Variants in RYR2 observed in about 807,000 individuals in gnomAD.
RYR2 encodes the protein ryanodine receptor 2, also known as cardiac muscle ryanodine receptor-calcium release channel.
RYR2 carries 227 observed loss-of-function variants against 601.1 expected under a neutral mutation model. The ratio of observed to expected loss-of-function variants is 0.38; its 90% CI spans 0.34 to 0.42. RYR2 has a LOEUF of 0.42. Ranked by LOEUF, RYR2 falls within the 10% of genes least tolerant of loss-of-function variation. RYR2 has a pLI of 1.00. For missense variants in RYR2, 4,646 were observed against 6,156.5 expected (o/e 0.75, Z 8.21); for synonymous variants, 2,223 against 2,175.1 (o/e 1.02, Z -0.61).
intron 16 of RYR2, among the ~76,000 whole-genome samples, chr1:237,457,019 G>A (rs191042732): frequency 5.9e-5 from 9 of 152,250 alleles, no homozygotes; most frequent in African/African-American, 2.2e-4. Context: ...AATTTACTGT[G>A]CCAAATCAAA....
intron 29 of RYR2, among the ~76,000 whole-genome samples, chr1:237,577,453 A>G (rs865798356): frequency 1.3e-5 from 2 of 151,700 alleles, no homozygotes; most frequent in Non-Finnish European, 2.9e-5. Context: ...TGGGAAGCCA[A>G]TGTCATCACA....
At chr1:237,437,533 T>A (rs1320130550) in intron 12 of RYR2, among the ~76,000 whole-genome samples, 1 of 152,140 alleles carries the variant, frequency 6.6e-6, no homozygotes, top group Non-Finnish European at 1.5e-5. Flanking sequence ...CCTGAGGTTA[T>A]GTGGGGTCAG....
At chr1:237,748,824 C>T (rs552335458) in intron 80 of RYR2, among the ~76,000 whole-genome samples, 6 of 152,234 alleles carry the variant, frequency 3.9e-5, no homozygotes, top group African/African-American at 9.6e-5. Context: ...TTTAAATATT[C>T]GAAAAAATAT....
intron 1 of RYR2, among the ~76,000 whole-genome samples, chr1:237,160,486 G>T (rs1015635717): frequency 6.6e-6 from 1 of 151,504 alleles, no homozygotes; most frequent in Admixed American, 6.6e-5. Context: ...TTATTTTTTT[G>T]TCAGGTTTTT....
chr1:237,643,176 C>A, intron 47 of RYR2, 151 bp from the exon 48 acceptor site: 2 of 906,774 alleles, frequency 2.2e-6, no homozygotes, highest in Non-Finnish European at 3.3e-6. Flanking sequence ...GCAGGTAAGC[C>A]AGAAAACTAT....
At chr1:237,193,167 C>CAAAA (rs58552588) in intron 1 of RYR2, among the ~76,000 whole-genome samples, 2 of 37,422 alleles carry the variant, frequency 5.3e-5, no homozygotes, top group Non-Finnish European at 9.7e-5. Context: ...GCTAAAAGTA[C>CAAAA]AAAAAAAAAA....
intron 24 of RYR2, among the ~76,000 whole-genome samples, chr1:237,516,761 T>G (rs1278782910): frequency 2.0e-5 from 3 of 152,174 alleles, no homozygotes; most frequent in Non-Finnish European, 2.9e-5. Context: ...GGAATCACCT[T>G]TGACTCTTCC....
At chr1:237,792,658 T>C (rs1033564670) in intron 94 of RYR2, among the ~76,000 whole-genome samples, 1 of 152,102 alleles carries the variant, frequency 6.6e-6, no homozygotes, top group Non-Finnish European at 1.5e-5. Flanking sequence ...TATGTCTACA[T>C]TGACTAGTCT....
chr1:237,404,998 C>T (rs1224479213), intron 10 of RYR2, among the ~76,000 whole-genome samples: 1 of 152,156 alleles, frequency 6.6e-6, no homozygotes, highest in Non-Finnish European at 1.5e-5. Flanking sequence ...GGAACCCAGC[C>T]CCAACCAACA....
At chr1:237,050,967 C>T (rs1258191554) in intron 1 of RYR2, among the ~76,000 whole-genome samples, 2 of 152,206 alleles carry the variant, frequency 1.3e-5, no homozygotes, top group Non-Finnish European at 2.9e-5. Context: ...TTCGGTCTCA[C>T]ACACACGCAC....
In RYR2 at chr1:237,082,524, CATATATATATATAT is replaced by C. The variant is rs71561856; in HGVS notation, c.48+39975_48+39988del. On this transcript the variant is annotated intron_variant, in intron 1 of 104. Coordinates refer to ENST00000366574, the MANE Select transcript of RYR2 (RefSeq NM_001035.3). ...TGTTATATTCTTTCAAATAGGAAAA[CATATATATATATAT>C]ATATATATATATATATATAAAATCG... 2.7e-3 allele frequency among the ~76,000 whole-genome samples: 213 copies of C among 80,006 alleles called. 6 individuals are homozygous for C. The East Asian group carries it at 0.046, about 17-fold the overall frequency. The allele number at this position is 80,006 out of a possible 152,430, so 52.5% of individuals were successfully genotyped here.
intron 27 of RYR2, among the ~76,000 whole-genome samples, chr1:237,551,541 A>AAT (rs1416000020): frequency 1.3e-5 from 2 of 151,556 alleles, no homozygotes; most frequent in Non-Finnish European, 2.9e-5. Context: ...AAAAAAAAAA[A>AAT]AAAAAAAAGA....
chr1:237,454,682 T>C (rs909886039), intron 15 of RYR2, 108 bp downstream of exon 15: 83 of 1,086,756 alleles, frequency 7.6e-5, no homozygotes, highest in Non-Finnish European at 1.1e-4. Flanking sequence ...TTTTGCAATA[T>C]AGAGGAGAAA....
intron 97 of RYR2, chr1:237,799,979 A>T (rs1358243992): frequency 6.6e-6 from 1 of 150,570 alleles, no homozygotes; most frequent in Non-Finnish European, 1.5e-5. Flanking sequence ...CCCCCCAACC[A>T]GGAAGGCCGT....
chr1:237,263,778 T>A (rs1688763851), intron 1 of RYR2, among the ~76,000 whole-genome samples: 1 of 152,206 alleles, frequency 6.6e-6, no homozygotes. Flanking sequence ...GAGTGCTTCC[T>A]GTGAGCCAGC....
Position 237,784,370 on chromosome 1 carries a change from G to C in RYR2, c.12658G>C (p.Glu4220Gln). 1.2e-6 allele frequency: 2 copies of C among 1,613,988 alleles called. No homozygotes were observed. Among genetic ancestry groups the C allele is most frequent in the Non-Finnish European group, 1.7e-6 (2 of 1,179,874 alleles). The part of the protein sequence containing the change: ...DLNERSANKE[E>Q]SEKERPEEQG... ...GAACGAGAGGTCAGCGAATAAGGAA[G>C]AAAGCGAGAAGGAGAGGCCGGAAGA... The change falls in exon 90 of 105, where the codon GAA becomes CAA. Residue 4220 changes from glutamate (E) to glutamine (Q), a missense_variant. Physicochemically the swap from Glu to Gln is conservative, Grantham distance 29. This residue lies in a region of RYR2 where 364 missense variants were observed against 442.9 expected (regional missense o/e 0.82). Coordinates refer to ENST00000366574, the MANE Select transcript of RYR2 (RefSeq NM_001035.3). The surrounding 1 kb of genome is among the most constrained non-coding windows in gnomAD (Gnocchi z 7.1).
At chr1:237,337,723 C>T (rs1219748090) in intron 3 of RYR2, among the ~76,000 whole-genome samples, 1 of 152,160 alleles carries the variant, frequency 6.6e-6, no homozygotes, top group Non-Finnish European at 1.5e-5. Flanking sequence ...AAGCTCCTAT[C>T]AGATCTGATC....
intron 35 of RYR2, among the ~76,000 whole-genome samples, chr1:237,604,280 A>T (rs1423802772): frequency 1.3e-5 from 2 of 152,130 alleles, no homozygotes; most frequent in Non-Finnish European, 2.9e-5. Flanking sequence ...ACTCAAAACC[A>T]CTCAACTACA....
At chr1:237,323,065 A>G (rs969788561) in intron 2 of RYR2, among the ~76,000 whole-genome samples, 2 of 152,170 alleles carry the variant, frequency 1.3e-5, no homozygotes, top group Non-Finnish European at 2.9e-5. Context: ...TTCAAATAGT[A>G]GATTTCTCAA....
Sources: allele counts gnomAD v4.1 joint callset (sites outside exome capture counted in the v4.1 genomes callset), GRCh38; gene constraint gnomAD v4.1.1; regional missense constraint gnomAD v4.1.1; non-coding constraint Gnocchi (gnomAD v3.1); transcripts MANE v1.5; gene names NCBI Gene and HGNC (gene_info 2026-07-23, HGNC 2026-07-21).